The following CCSER1 variants were observed in gnomAD, a reference collection of about 807,000 sequenced individuals.
CCSER1 encodes coiled-coil serine rich protein 1, also known as serine-rich coiled-coil domain-containing protein 1.
CCSER1 carries 41 observed loss-of-function variants against 82.0 expected under a neutral mutation model. That is an observed-to-expected ratio of 0.50 (90% CI 0.39 to 0.65). The LOEUF (loss-of-function observed/expected upper bound fraction) is 0.65, where lower values mean the gene tolerates loss of function less well. Among genes scored for constraint, CCSER1 ranks in the 30% least tolerant of loss-of-function variants. The probability of loss-of-function intolerance (pLI) is 0.00; values close to 1 mark genes in which losing one functional copy is unlikely to be tolerated. For missense variants in CCSER1, 1,119 were observed against 1,064.2 expected (o/e 1.05, Z -0.72); for synonymous variants, 414 against 383.9 (o/e 1.08, Z -0.92).
chr4:91,497,438 G>A (rs1758984428), intron 10 of CCSER1, among the ~76,000 whole-genome samples: 1 of 151,684 alleles, frequency 6.6e-6, no homozygotes, highest in African/African-American at 2.4e-5. Context: ...ACTGAAAATA[G>A]AGAAATGAAA....
chr4:91,119,822 T>C (rs190589142), intron 10 of CCSER1, among the ~76,000 whole-genome samples: 3 of 152,192 alleles, frequency 2.0e-5, no homozygotes. Flanking sequence ...GCATTTTATA[T>C]GTATAAATAT....
chr4:91,119,688 A>G, intron 10 of CCSER1, among the ~76,000 whole-genome samples: 1 of 152,028 alleles, frequency 6.6e-6, no homozygotes, highest in East Asian at 1.9e-4. Flanking sequence ...ATATAAGTAT[A>G]TAGGGAATTA....
At chr4:90,347,492 A>G (rs1742581024) in intron 3 of CCSER1, among the ~76,000 whole-genome samples, 1 of 152,216 alleles carries the variant, frequency 6.6e-6, no homozygotes, top group African/African-American at 2.4e-5. Flanking sequence ...TATGAAATGG[A>G]AAATTCCAGA....
Position 90,312,936 on chromosome 4 carries a change from C to T in CCSER1, c.1398C>T (p.Gly466=), listed in dbSNP as rs1257515117. 1.3e-6 allele frequency: 2 copies of T among 1,589,168 alleles called. No homozygotes were observed. The highest frequency in any genetic ancestry group is 4.5e-5 in the East Asian group (2 of 44,118). The change falls in exon 3 of 11, where the codon GGC becomes GGT. Residue 466 remains glycine, a synonymous_variant. Coordinates refer to ENST00000509176, the MANE Select transcript of CCSER1 (RefSeq NM_001145065.2). ...IERRLRSSSE[G]TAGSSRMILK... ...GGAGACTGCGATCCTCGTCAGAAGG[C>T]ACTGCAGGGAGTAGCAGAATGATTT...
At chr4:90,283,727 TGTTGATGGACACTTAG>T (rs924216909) in intron 1 of CCSER1, among the ~76,000 whole-genome samples, 1 of 152,066 alleles carries the variant, frequency 6.6e-6, no homozygotes, top group African/African-American at 2.4e-5. Flanking sequence ...TCCATTCATA[TGTTGATGGACACTTAG>T]GTTGATTCCA....
chr4:90,812,555 T>C (rs956766346), intron 7 of CCSER1, among the ~76,000 whole-genome samples: 3 of 152,166 alleles, frequency 2.0e-5, no homozygotes, highest in African/African-American at 4.8e-5. Context: ...GTAACATGGA[T>C]ATTGGTTTGA....
chr4:90,876,124 C>T (rs1767172119), intron 8 of CCSER1, among the ~76,000 whole-genome samples: 1 of 151,924 alleles, frequency 6.6e-6, no homozygotes, highest in African/African-American at 2.4e-5. Flanking sequence ...AAATGATTGC[C>T]CCCTTTTTCC....
chr4:90,189,484 C>T (rs1409727909), intron 1 of CCSER1, among the ~76,000 whole-genome samples: 2 of 151,216 alleles, frequency 1.3e-5, no homozygotes, highest in African/African-American at 4.9e-5. Flanking sequence ...TATGGATGTG[C>T]GCAAGTATGT....
At chr4:90,207,052 A>G (rs1738993167) in intron 1 of CCSER1, among the ~76,000 whole-genome samples, 1 of 151,062 alleles carries the variant, frequency 6.6e-6, no homozygotes. Flanking sequence ...TTATTCCTCC[A>G]TCCCTTTATT....
chr4:90,464,268 A>G (rs10026030), intron 4 of CCSER1, among the ~76,000 whole-genome samples: 14 of 152,186 alleles, frequency 9.2e-5, no homozygotes, highest in Admixed American at 2.6e-4. Context: ...TTTAATAACT[A>G]TCTAGAAATA....
chr4:91,392,895 T>A (rs1313034410), intron 10 of CCSER1, among the ~76,000 whole-genome samples: 1 of 152,024 alleles, frequency 6.6e-6, no homozygotes, highest in African/African-American at 2.4e-5. Flanking sequence ...CTTGAAGGGC[T>A]TGTGTAAAGT....
chr4:90,271,290 A>G (rs1726232541), intron 1 of CCSER1, among the ~76,000 whole-genome samples: 1 of 152,122 alleles, frequency 6.6e-6, no homozygotes, highest in South Asian at 2.1e-4. Flanking sequence ...CAAAAATCAG[A>G]CATATAGATC....
intron 10 of CCSER1, among the ~76,000 whole-genome samples, chr4:91,157,092 T>G (rs1436566362): frequency 2.0e-5 from 3 of 151,896 alleles, no homozygotes; most frequent in Non-Finnish European, 4.4e-5. Flanking sequence ...GCAGTTAACC[T>G]AACACTAGCT....
At chr4:90,836,354 AAAC>A (rs1399719472) in intron 8 of CCSER1, among the ~76,000 whole-genome samples, 3 of 152,122 alleles carry the variant, frequency 2.0e-5, no homozygotes, top group Non-Finnish European at 2.9e-5. Flanking sequence ...AACAAAAAAA[AAAC>A]AAGCTTAGAA....
At chr4:91,079,758 G>C (rs1722478250) in intron 9 of CCSER1, among the ~76,000 whole-genome samples, 1 of 152,000 alleles carries the variant, frequency 6.6e-6, no homozygotes, top group Non-Finnish European at 1.5e-5. Flanking sequence ...AACAAAGCAG[G>C]GGTTGCCGTC....
chr4:91,177,018 T>G (rs1384858792), intron 10 of CCSER1, among the ~76,000 whole-genome samples: 3 of 152,230 alleles, frequency 2.0e-5, no homozygotes, highest in Non-Finnish European at 4.4e-5. Flanking sequence ...ATTGAGAGTT[T>G]TTAGCATGAA....
intron 7 of CCSER1, chr4:90,782,073 G>C (rs537231286): frequency 1.8e-6 from 1 of 569,824 alleles, no homozygotes; most frequent in African/African-American, 2.0e-5. Flanking sequence ...ACTTTCTTGA[G>C]TATTCAAGGA....
intron 4 of CCSER1, among the ~76,000 whole-genome samples, chr4:90,434,963 A>G (rs962065139): frequency 6.6e-6 from 1 of 152,148 alleles, no homozygotes; most frequent in African/African-American, 2.4e-5. Flanking sequence ...GTGAATGTAA[A>G]TGGTACCTAG....
intron 8 of CCSER1, among the ~76,000 whole-genome samples, chr4:90,834,939 T>A (rs1247942392): frequency 6.6e-6 from 1 of 152,248 alleles, no homozygotes; most frequent in East Asian, 1.9e-4. Flanking sequence ...TATAGTTAAC[T>A]TGATATGCCA....
Sources: gnomAD v4.1 joint callset for allele counts (sites outside exome capture counted in the v4.1 genomes callset) on GRCh38, gnomAD v4.1.1 for gene constraint, MANE v1.5 for transcripts, NCBI Gene and HGNC (gene_info 2026-07-23, HGNC 2026-07-21) for gene names.